The following FYN variants were observed in gnomAD, a reference collection of about 807,000 sequenced individuals.
FYN encodes tyrosine-protein kinase Fyn.
FYN carries 10 observed loss-of-function variants against 70.2 expected under a neutral mutation model. The observed-to-expected ratio is 0.14, with a 90% confidence interval of 0.09 to 0.24. The LOEUF is 0.24. Ranked by LOEUF, FYN falls within the 10% of genes least tolerant of loss-of-function variation. The pLI, the probability that FYN is intolerant of heterozygous loss-of-function variation, is 1.00. For synonymous variants in FYN, 236 were observed against 248.6 expected, an observed-to-expected ratio of 0.95 and a Z score of 0.48; for missense variants, 319 against 673.1, an observed-to-expected ratio of 0.47 and a Z score of 5.82.
chr6:111,791,535 GA>G (rs908757430), intron 2 of FYN, among the ~76,000 whole-genome samples: 2 of 150,940 alleles, frequency 1.3e-5, no homozygotes, highest in African/African-American at 2.4e-5. Context: ...CTTAAAGAAA[GA>G]AAAAAATCTA....
intron 12 of FYN, among the ~76,000 whole-genome samples, chr6:111,680,179 A>C (rs1583297834): frequency 6.6e-6 from 1 of 152,170 alleles, no homozygotes; most frequent in Admixed American, 6.5e-5. Context: ...CAACACAAAC[A>C]CCCACCACTG....
chr6:111,803,252 A>C (rs1337502400), intron 2 of FYN, among the ~76,000 whole-genome samples: 1 of 152,118 alleles, frequency 6.6e-6, no homozygotes, highest in East Asian at 1.9e-4. Flanking sequence ...CTTCAGGGGC[A>C]CTCCTCTGAA....
chr6:111,836,710 C>T (rs1482478443), intron 2 of FYN, among the ~76,000 whole-genome samples: 3 of 152,124 alleles, frequency 2.0e-5, no homozygotes, highest in Admixed American at 6.6e-5. Flanking sequence ...TGCAGTGAAC[C>T]GTGACTGTGT....
In FYN at chr6:111,761,679, C is replaced by T. The variant is rs784590; in HGVS notation, c.-12+18887G>A. 2.5e-3 allele frequency among the ~76,000 whole-genome samples: 384 copies of T among 152,224 alleles called. 2 individuals are homozygous for T. Among genetic ancestry groups the T allele is most frequent in the African/African-American group, 8.6e-3 (359 of 41,540 alleles). Reference sequence around the variant, plus strand: ...CTAAAACCAGAAGGGCAGAGCCTTCCGGGGCGACAACCACTTGGCTTCAAG... The same window carrying T: ...CTAAAACCAGAAGGGCAGAGCCTTCTGGGGCGACAACCACTTGGCTTCAAG... On this transcript the variant is annotated intron_variant, in intron 3 of 13. Transcript: ENST00000354650.
intron 1 of FYN, among the ~76,000 whole-genome samples, chr6:111,852,390 A>C (rs528385763): frequency 6.6e-6 from 1 of 152,334 alleles, no homozygotes; most frequent in East Asian, 1.9e-4. Context: ...AATGAAAGCC[A>C]GACTGGAATG....
At chr6:111,827,268 A>G (rs1772865678) in intron 2 of FYN, among the ~76,000 whole-genome samples, 1 of 152,232 alleles carries the variant, frequency 6.6e-6, no homozygotes, top group South Asian at 2.1e-4. Flanking sequence ...AGGTATCATT[A>G]TCTGTTCTCA....
At chr6:111,823,812 AC>A (rs1562534521) in intron 2 of FYN, among the ~76,000 whole-genome samples, 1 of 152,220 alleles carries the variant, frequency 6.6e-6, no homozygotes, top group Non-Finnish European at 1.5e-5. Flanking sequence ...ATGAGGAAGG[AC>A]AAAACATTCT....
At chr6:111,754,048 G>T (rs1007646993) in intron 3 of FYN, among the ~76,000 whole-genome samples, 4 of 152,154 alleles carry the variant, frequency 2.6e-5, no homozygotes, top group Non-Finnish European at 5.9e-5. Flanking sequence ...ATCCATTCTA[G>T]TAAGACTGAA....
At chr6:111,749,718 A>G (rs762469630) in intron 3 of FYN, among the ~76,000 whole-genome samples, 1 of 152,248 alleles carries the variant, frequency 6.6e-6, no homozygotes, top group Non-Finnish European at 1.5e-5. Context: ...AAAAGGTAAA[A>G]AACTTAAATG....
chr6:111,719,291 T>C (rs1030627809), intron 4 of FYN, among the ~76,000 whole-genome samples: 2 of 142,376 alleles, frequency 1.4e-5, no homozygotes, highest in African/African-American at 2.6e-5. Context: ...CCTTGTGGTA[T>C]GAAAGACAAG....
At chr6:111,849,457 G>C (rs1035191324) in intron 1 of FYN, among the ~76,000 whole-genome samples, 8 of 152,130 alleles carry the variant, frequency 5.3e-5, no homozygotes, top group African/African-American at 1.9e-4. Flanking sequence ...TGAACCTCAC[G>C]ACAGGGCAGT....
chr6:111,675,658 T>C (rs1583292412), intron 12 of FYN, among the ~76,000 whole-genome samples: 1 of 151,720 alleles, frequency 6.6e-6, no homozygotes, highest in African/African-American at 2.4e-5. Flanking sequence ...CCAGGCATGG[T>C]GGCACGAGCC....
At chr6:111,773,271 T>C (rs1803520348) in intron 3 of FYN, among the ~76,000 whole-genome samples, 1 of 133,138 alleles carries the variant, frequency 7.5e-6, no homozygotes, top group Non-Finnish European at 1.6e-5. Context: ...AAATAAAAAG[T>C]TGGGAAAGAA....
intron 2 of FYN, among the ~76,000 whole-genome samples, chr6:111,832,316 T>G (rs1303995405): frequency 1.3e-5 from 2 of 152,208 alleles, no homozygotes. Context: ...CAGAATTGTT[T>G]CCTTCACTTG....
At chr6:111,814,849 G>C (rs1476238507) in intron 2 of FYN, among the ~76,000 whole-genome samples, 1 of 152,214 alleles carries the variant, frequency 6.6e-6, no homozygotes, top group Non-Finnish European at 1.5e-5. Context: ...GCAAGGATTT[G>C]ACTGTTGAAC....
intron 13 of FYN, among the ~76,000 whole-genome samples, chr6:111,669,438 C>CAAAAAAAA (rs10690295): frequency 1.1e-3 from 61 of 56,754 alleles, no homozygotes; most frequent in African/African-American, 2.3e-3. Flanking sequence ...CCATCCATCT[C>CAAAAAAAA]AAAAAAAAAA....
At chr6:111,774,938 C>T (rs1056766828) in intron 3 of FYN, among the ~76,000 whole-genome samples, 5 of 152,130 alleles carry the variant, frequency 3.3e-5, no homozygotes, top group Admixed American at 3.3e-4. Flanking sequence ...AGGCTGGACT[C>T]GAACTCCTGA....
At chr6:111,718,715 T>C (rs940372384) in intron 4 of FYN, among the ~76,000 whole-genome samples, 1 of 152,144 alleles carries the variant, frequency 6.6e-6, no homozygotes, top group Non-Finnish European at 1.5e-5. Context: ...GTGGGAAGGA[T>C]GGGTAAAGGT....
chr6:111,824,898 A>T (rs1195193099), intron 2 of FYN, among the ~76,000 whole-genome samples: 1 of 152,218 alleles, frequency 6.6e-6, no homozygotes, highest in Non-Finnish European at 1.5e-5. Context: ...TGCATTTGTC[A>T]AAAAGAATCT....
Sources: allele counts gnomAD v4.1 joint callset (sites outside exome capture counted in the v4.1 genomes callset), GRCh38; gene constraint gnomAD v4.1.1; transcripts MANE v1.5; gene names NCBI Gene and HGNC (gene_info 2026-07-23, HGNC 2026-07-21).